Variants in SIK2 observed in about 807,000 individuals in gnomAD.
SIK2 encodes the protein serine/threonine-protein kinase SIK2.
SIK2 carries 29 observed loss-of-function variants against 103.2 expected under a neutral mutation model. That is an observed-to-expected ratio of 0.28 (90% CI 0.21 to 0.38). The LOEUF (loss-of-function observed/expected upper bound fraction) is 0.38. SIK2 is among the 10% of genes least tolerant of loss of function. The pLI, the probability that SIK2 is intolerant of heterozygous loss-of-function variation, is 1.00. For missense variants in SIK2, 879 were observed against 1,171.0 expected (o/e 0.75, Z 3.64); for synonymous variants, 412 against 446.1 (o/e 0.92, Z 0.96).
intron 1 of SIK2, among the ~76,000 whole-genome samples, chr11:111,608,857 T>TA (rs1941681730): frequency 6.6e-6 from 1 of 152,206 alleles, no homozygotes; most frequent in African/African-American, 2.4e-5. Flanking sequence ...TTACCTATCT[T>TA]ACGGTGTAGG....
chr11:111,665,863 A>G (rs1274980943), intron 3 of SIK2, among the ~76,000 whole-genome samples: 3 of 152,156 alleles, frequency 2.0e-5, no homozygotes, highest in African/African-American at 4.8e-5. Context: ...AAAGAAAAAA[A>G]AAAAGAAAAG....
chr11:111,701,398 A>G lies in SIK2; in HGVS notation c.604-54A>G. The stretch of plus-strand genomic sequence containing the variant: ...GAGCCCTGGGGATGTTCAGGAAAAC[A>G]AAGAGTGTTTGACGTTCTTGGTAGA... On this transcript the variant is annotated intron_variant, in intron 5 of 14. Coordinates refer to ENST00000304987, the MANE Select transcript of SIK2 (RefSeq NM_015191.3). The surrounding 1 kb of genome is among the most constrained non-coding windows in gnomAD (Gnocchi z 4.2). The G allele has an allele frequency of 1.9e-6, 3 of 1,581,472 alleles. No individual in the cohort carries two copies. Among genetic ancestry groups the G allele is most frequent in the African/African-American group, 1.3e-5 (1 of 74,120 alleles).
chr11:111,703,182 G>T, intron 6 of SIK2, 21 bp from the exon 7 acceptor site: 2 of 1,610,216 alleles, frequency 1.2e-6, no homozygotes, highest in Non-Finnish European at 1.7e-6. Flanking sequence ...TGTGACTTTT[G>T]TAACATTGTG....
At chr11:111,671,649 C>G (rs1248016464) in intron 3 of SIK2, 7 of 364,572 alleles carry the variant, frequency 1.9e-5, no homozygotes, top group Admixed American at 1.0e-4. Flanking sequence ...TGTCCATGGA[C>G]AGAACCACAG....
chr11:111,727,336 GGAAA>G lies in SIK2; in HGVS notation c.*3212_*3215del. The G allele has an allele frequency of 2.1e-6, 1 of 467,732 alleles. No homozygotes were observed. Among genetic ancestry groups the G allele is most frequent in the Non-Finnish European group, 3.8e-6 (1 of 261,332 alleles). 29.0% of individuals were successfully genotyped at this position (467,732 alleles called of 1,614,324 possible). A position where few individuals can be genotyped will look rare whatever the true frequency, so the allele number is the denominator to read the frequency against. ...CTCTTCCATCCACTTTTGCCTCCTA[GGAAA>G]GAAAAAGTCAGTGGCCCTTTCTTCC... On this transcript the variant is annotated 3_prime_UTR_variant, in exon 15 of 15. Transcript: ENST00000304987.
intron 1 of SIK2, among the ~76,000 whole-genome samples, chr11:111,609,680 A>T (rs1222448840): frequency 3.9e-5 from 6 of 152,166 alleles, no homozygotes; most frequent in African/African-American, 1.4e-4. Context: ...CCAAATTTAC[A>T]TTGGAAAAAA....
At position 111,720,571 on chromosome 11, in the gene SIK2, A is replaced by C; in HGVS notation, c.1589A>C (p.Glu530Ala). ...GTTCAGAGGGACCTGAACTTTCTGG[A>C]AGACAACCCTTCCCTTAAGGACATC... ...GSVQRDLNFLEDNPSLKDIML... is the reference protein window; with the variant it reads ...GSVQRDLNFLADNPSLKDIML... The change falls in exon 11 of 15, where the codon GAA (glutamate) becomes GCA (alanine). Residue 530 changes from glutamate (E) to alanine (A), a missense_variant. Coordinates refer to ENST00000304987, the MANE Select transcript of SIK2 (RefSeq NM_015191.3). 6.2e-7 allele frequency: 1 copy of C among 1,614,114 alleles called. No individual in the cohort carries two copies. The highest frequency in any genetic ancestry group is 8.5e-7 in the Non-Finnish European group (1 of 1,180,032).
chr11:111,642,705 T>C (rs1942198575), intron 3 of SIK2, among the ~76,000 whole-genome samples: 1 of 152,188 alleles, frequency 6.6e-6, no homozygotes, highest in East Asian at 1.9e-4. Context: ...GAGGTGGAAC[T>C]GAAGGTACCA....
chr11:111,667,488 CTTTTT>C (rs565449284), intron 3 of SIK2, among the ~76,000 whole-genome samples: 2 of 105,362 alleles, frequency 1.9e-5, no homozygotes, highest in East Asian at 3.1e-4. Context: ...TGTTGGTTAT[CTTTTT>C]TTTTTTTTTT....
intron 3 of SIK2, among the ~76,000 whole-genome samples, chr11:111,630,351 C>T (rs1362962370): frequency 2.6e-5 from 4 of 152,070 alleles, no homozygotes; most frequent in Non-Finnish European, 5.9e-5. Flanking sequence ...CAAGAGAGAA[C>T]TATCTTGGGT....
At chr11:111,709,417 T>A (rs1943437582) in intron 8 of SIK2, among the ~76,000 whole-genome samples, 1 of 152,248 alleles carries the variant, frequency 6.6e-6, no homozygotes, top group African/African-American at 2.4e-5. Context: ...TAACAAGTAT[T>A]TGCCTATTGG....
chr11:111,667,608 C>A (rs1428797878), intron 3 of SIK2, among the ~76,000 whole-genome samples: 1 of 151,494 alleles, frequency 6.6e-6, no homozygotes, highest in East Asian at 2.0e-4. Flanking sequence ...TCTCCTGCCT[C>A]ACCCTCCCAT....
intron 3 of SIK2, among the ~76,000 whole-genome samples, chr11:111,654,752 T>C (rs1318959496): frequency 1.3e-5 from 2 of 152,220 alleles, no homozygotes; most frequent in African/African-American, 4.8e-5. Flanking sequence ...TTCTCCTCAG[T>C]CTTAACCATG....
At chr11:111,669,032 T>G (rs187532832) in intron 3 of SIK2, among the ~76,000 whole-genome samples, 2 of 152,316 alleles carry the variant, frequency 1.3e-5, no homozygotes, top group Non-Finnish European at 2.9e-5. Flanking sequence ...GCCCAATACT[T>G]TATTAATGAA....
At chr11:111,676,478 A>C (rs566239039) in intron 3 of SIK2, among the ~76,000 whole-genome samples, 2 of 152,220 alleles carry the variant, frequency 1.3e-5, no homozygotes, top group South Asian at 4.1e-4. Flanking sequence ...ATGGTCTCTC[A>C]TTGTGGTTTT....
chr11:111,613,806 A>G lies in SIK2; in HGVS notation c.136-2437A>G, dbSNP rs1359848126. Among the ~76,000 whole-genome samples, 7 of 152,306 alleles carry G rather than the reference A, an allele frequency of 4.6e-5. No individual in the cohort carries two copies. In the East Asian group the frequency reaches 1.4e-3, roughly 29 times the overall value. On this transcript the variant is annotated intron_variant, in intron 1 of 14. Transcript: ENST00000304987. ...GCTTTTATTCTTAGGCGATAAATTT[A>G]ATTTTATACATTATGTTTAGTAATC...
chr11:111,631,126 G>C (rs149921514), intron 3 of SIK2, among the ~76,000 whole-genome samples: 116 of 152,304 alleles, frequency 7.6e-4, no homozygotes, highest in African/African-American at 2.8e-3. Flanking sequence ...CATTGGTGCA[G>C]TTACAATGAT....
At chr11:111,658,801 A>G (rs768457484) in intron 3 of SIK2, among the ~76,000 whole-genome samples, 5 of 152,168 alleles carry the variant, frequency 3.3e-5, no homozygotes, top group Non-Finnish European at 5.9e-5. Flanking sequence ...TTATTTTAAG[A>G]AGTACTACAG....
At position 111,719,961 on chromosome 11, in the gene SIK2, C is replaced by G; in HGVS notation, c.1453C>G (p.Leu485Val). The G allele has an allele frequency of 1.2e-6, 2 of 1,614,142 alleles. No homozygotes were observed. The highest frequency in any genetic ancestry group is 1.7e-6 in the Non-Finnish European group (2 of 1,179,978). ...STRSGQRRHT[L>V]SEVTNQLVVM... is the part of the protein sequence containing the mutation. ...ACGCAGCGGGCAGAGACGGCACACT[C>G]TGTCAGAAGTGACCAATCAACTGGT... is the stretch of plus-strand genomic sequence containing the variant. The change falls in exon 10 of 15, where the codon CTG (leucine) becomes GTG (valine). Residue 485 changes from leucine (L) to valine (V), a missense_variant. This residue lies in a region of SIK2 where 222 missense variants were observed against 258.0 expected (regional missense o/e 0.86). Coordinates refer to ENST00000304987, the MANE Select transcript of SIK2 (RefSeq NM_015191.3).
Sources: gnomAD v4.1 joint callset for allele counts (sites outside exome capture counted in the v4.1 genomes callset) on GRCh38, gnomAD v4.1.1 for gene constraint, gnomAD v4.1.1 regional missense constraint, Gnocchi (gnomAD v3.1) non-coding constraint, MANE v1.5 for transcripts, NCBI Gene and HGNC (gene_info 2026-07-23, HGNC 2026-07-21) for gene names.